Variants in AP1B1 observed in about 807,000 individuals in gnomAD.
AP1B1 encodes the protein adaptor related protein complex 1 subunit beta 1.
In AP1B1, 36 loss-of-function variants were observed where a neutral mutation model predicts 104.3. The ratio of observed to expected loss-of-function variants is 0.35; its 90% CI spans 0.26 to 0.46. The LOEUF (loss-of-function observed/expected upper bound fraction) is 0.46, where lower values mean the gene tolerates loss of function less well. AP1B1 is among the 20% of genes least tolerant of loss of function. AP1B1 has a pLI of 1.00. For missense variants in AP1B1, 901 were observed against 1,247.9 expected (o/e 0.72, Z 4.19); for synonymous variants, 504 against 517.5 (o/e 0.97, Z 0.35).
chr22:29,334,264 C>T lies in AP1B1; in HGVS notation c.2309+1G>A, dbSNP rs1157026309. 6.3e-7 allele frequency: 1 copy of T among 1,594,980 alleles called. No homozygotes were observed. The highest frequency in any genetic ancestry group is 8.5e-7 in the Non-Finnish European group (1 of 1,172,056). Reference sequence around the variant, plus strand: ...GTGCGCTGGCCTCAGGGAGCTCTCACCTGTTGCGGTTGAACTGGATGGCAA... The same window carrying T: ...GTGCGCTGGCCTCAGGGAGCTCTCATCTGTTGCGGTTGAACTGGATGGCAA... On this transcript the variant is annotated splice_donor_variant, in intron 17 of 22. Transcript: ENST00000357586. LOFTEE classifies it high-confidence loss of function.
At chr22:29,369,911 T>C (rs2062205396) in intron 1 of AP1B1, among the ~76,000 whole-genome samples, 2 of 151,768 alleles carry the variant, frequency 1.3e-5, no homozygotes. Flanking sequence ...TAGGGGTTCT[T>C]TGGGGACCTC....
At chr22:29,358,447 A>G (rs924717472) in intron 5 of AP1B1, among the ~76,000 whole-genome samples, 5 of 152,230 alleles carry the variant, frequency 3.3e-5, no homozygotes, top group African/African-American at 1.2e-4. Context: ...CACTCCTGCC[A>G]GCCACGTAGA....
At chr22:29,339,947 C>T (rs775173743) in intron 14 of AP1B1, among the ~76,000 whole-genome samples, 173 bp from the exon 15 acceptor site, 2 of 151,918 alleles carry the variant, frequency 1.3e-5, no homozygotes, top group Non-Finnish European at 2.9e-5. Flanking sequence ...GACCCTGTCT[C>T]TATGAAAGGC....
At chr22:29,383,520 C>T (rs2148060396) in intron 1 of AP1B1, among the ~76,000 whole-genome samples, 1 of 152,022 alleles carries the variant, frequency 6.6e-6, no homozygotes, top group Admixed American at 6.6e-5. Context: ...ACCATCCTGG[C>T]TAACACGGTG....
chr22:29,353,219 G>A (rs1023024227), intron 7 of AP1B1, among the ~76,000 whole-genome samples: 5 of 152,174 alleles, frequency 3.3e-5, no homozygotes, highest in South Asian at 4.1e-4. Flanking sequence ...GAGAAGACAG[G>A]ACAGAGAGAA....
intron 1 of AP1B1, among the ~76,000 whole-genome samples, chr22:29,386,748 G>A (rs1438929657): frequency 6.6e-6 from 1 of 152,204 alleles, no homozygotes; most frequent in Non-Finnish European, 1.5e-5. Flanking sequence ...CATACCCCTA[G>A]GAGCAGACAG....
rs1393754959 is a variant in AP1B1 at position 29,345,018 on chromosome 22, AAAAC to A, written c.1438-2639_1438-2636del. On this transcript the variant is annotated intron_variant, in intron 11 of 22. Transcript: ENST00000357586. ...CAAAACATAGTGAGATTTCGCCACT[AAAAC>A]AAACAAACAAAAAACTCCAAATCGT... 5.9e-5 allele frequency among the ~76,000 whole-genome samples: 9 copies of A among 152,312 alleles called. No individual in the cohort carries two copies. The East Asian group carries it at 1.3e-3, about 23-fold the overall frequency.
intron 1 of AP1B1, among the ~76,000 whole-genome samples, chr22:29,381,676 T>C (rs1428600189): frequency 6.6e-6 from 1 of 152,142 alleles, no homozygotes; most frequent in African/African-American, 2.4e-5. Flanking sequence ...AGAGAAGAAA[T>C]GGCAAGGGTA....
intron 22 of AP1B1, chr22:29,329,299 G>A (rs1372771421): frequency 8.5e-7 from 1 of 1,170,670 alleles, no homozygotes; most frequent in Non-Finnish European, 1.1e-6. Context: ...GAGGGAGCCT[G>A]GAGGGGTGCT....
Position 29,356,516 on chromosome 22 carries a change from G to C in AP1B1, c.626C>G (p.Thr209Arg), listed in dbSNP as rs1324611239. ...CCACTCGGTGCACTCATTGAGGGCTGTCAGCAGCTTGTTGATGGACTGTGG... is the reference window on the plus strand; with the variant it reads ...CCACTCGGTGCACTCATTGAGGGCTCTCAGCAGCTTGTTGATGGACTGTGG... The part of the protein sequence containing the change: ...LNPQSINKLL[T>R]ALNECTEWGQ... The change falls in exon 6 of 23, where the codon ACA becomes AGA. Residue 209 changes from threonine (T) to arginine (R), a missense_variant. By Grantham distance (71) the Thr-to-Arg change is moderately conservative. This residue lies in a region of AP1B1 where 471 missense variants were observed against 696.7 expected (regional missense o/e 0.68). Coordinates refer to ENST00000357586, the MANE Select transcript of AP1B1 (RefSeq NM_001127.4). 6.2e-7 allele frequency: 1 copy of C among 1,614,234 alleles called. No individual in the cohort carries two copies. Among genetic ancestry groups the C allele is most frequent in the Non-Finnish European group, 8.5e-7 (1 of 1,180,042 alleles).
chr22:29,374,865 T>TA (rs2068368496), intron 1 of AP1B1, among the ~76,000 whole-genome samples: 1 of 152,162 alleles, frequency 6.6e-6, no homozygotes, highest in South Asian at 2.1e-4. Context: ...AGGATTGTTT[T>TA]AAAAAATGAC....
chr22:29,355,180 T>A (rs2061936730), intron 6 of AP1B1, among the ~76,000 whole-genome samples: 1 of 150,814 alleles, frequency 6.6e-6, no homozygotes, highest in South Asian at 2.1e-4. Context: ...GAGGTTACAG[T>A]GAGCCGAGAT....
At chr22:29,359,631 C>G (rs1448610071) in intron 4 of AP1B1, 193 bp downstream of exon 4, 1 of 620,680 alleles carries the variant, frequency 1.6e-6, no homozygotes, top group African/African-American at 1.9e-5. Flanking sequence ...ATGAGTTACG[C>G]AGGGTCCTTA....
rs766392381 is a variant in AP1B1 at position 29,331,912 on chromosome 22, C to A, written c.2314G>T (p.Gly772Cys). The change falls in exon 18 of 23, where the codon GGC becomes TGC. Residue 772 changes from glycine to cysteine, a missense_variant. Physicochemically the swap from Gly to Cys is radical, Grantham distance 159 (BLOSUM62 -3). Coordinates refer to ENST00000357586, the MANE Select transcript of AP1B1 (RefSeq NM_001127.4). ...FAIQFNRNSFGLAPAAPLQVH... is the reference protein window; with the variant it reads ...FAIQFNRNSFCLAPAAPLQVH... ...TGGAGGGGGGCGGCGGGGGCCAGGC[C>A]AAAGCTGGGGAGAGAGAAGCCCCAC... is the stretch of plus-strand genomic sequence containing the variant. 1 of 1,608,926 alleles carries A rather than the reference C, an allele frequency of 6.2e-7. No homozygotes were observed.
rs1370179484 is a variant in AP1B1, at chr22:29,358,780, C to T, written c.471G>A (p.Glu157=). 6.2e-7 allele frequency: 1 copy of T among 1,614,196 alleles called. No individual in the cohort carries two copies. Among genetic ancestry groups the T allele is most frequent in the South Asian group, 1.1e-5 (1 of 91,078 alleles). Residue 157 remains glutamate, a synonymous_variant, in exon 5 of 23, where the codon GAG becomes GAA. Coordinates refer to ENST00000357586, the MANE Select transcript of AP1B1 (RefSeq NM_001127.4). Reference sequence around the variant, plus strand: ...TAAGGGTGTCCAGGAAGCCCTGGTCCTCCACCAGCTGGGCGTTGATGTCGT... The same window carrying T: ...TAAGGGTGTCCAGGAAGCCCTGGTCTTCCACCAGCTGGGCGTTGATGTCGT... ...KLHDINAQLV[E]DQGFLDTLKD...
Position 29,366,492 on chromosome 22 carries a change from C to T in AP1B1, c.37+715G>A, listed in dbSNP as rs111258140. Among the ~76,000 whole-genome samples the T allele has an allele frequency of 7.1e-3, 1,073 of 152,084 alleles. 14 individuals are homozygous for T. The highest frequency in any genetic ancestry group is 0.025 in the African/African-American group (1,017 of 41,482). ...TCTCTACCAAAAATACAAAATTAGC[C>T]GGGCATGGTGGTGTAATCCCAGCTA... On this transcript the variant is annotated intron_variant, in intron 2 of 22. Coordinates refer to ENST00000357586, the MANE Select transcript of AP1B1 (RefSeq NM_001127.4).
intron 21 of AP1B1, chr22:29,329,937 C>T: frequency 1.4e-6 from 2 of 1,426,380 alleles, no homozygotes; most frequent in Non-Finnish European, 1.8e-6. Flanking sequence ...AACAGCGGTG[C>T]AGGCCTCCAG....
At chr22:29,337,196 C>T (rs2061651036) in intron 16 of AP1B1, among the ~76,000 whole-genome samples, 2 of 152,220 alleles carry the variant, frequency 1.3e-5, no homozygotes, top group Non-Finnish European at 1.5e-5. Flanking sequence ...GTGTCACTTG[C>T]TTTCACTTCC....
intron 1 of AP1B1, among the ~76,000 whole-genome samples, chr22:29,372,120 G>C (rs1478492314): frequency 2.0e-5 from 3 of 152,026 alleles, no homozygotes; most frequent in Non-Finnish European, 4.4e-5. Flanking sequence ...TCATTTTTTA[G>C]AATTAAAGAA....
Sources: allele counts gnomAD v4.1 joint callset (sites outside exome capture counted in the v4.1 genomes callset), GRCh38; gene constraint gnomAD v4.1.1; regional missense constraint gnomAD v4.1.1; transcripts MANE v1.5; gene names NCBI Gene and HGNC (gene_info 2026-07-23, HGNC 2026-07-21).